The following LIX1 variants were observed in gnomAD, a reference collection of about 807,000 sequenced individuals.
LIX1 encodes the protein protein limb expression 1 homolog.
Under a neutral mutation model 33.4 loss-of-function variants are expected in LIX1, and 24 were observed. The observed-to-expected ratio is 0.72, with a 90% CI of 0.52 to 1.01. The LOEUF (loss-of-function observed/expected upper bound fraction) is 1.01. LIX1 is among the 50% of genes least tolerant of loss of function. The pLI is 0.00. For synonymous variants in LIX1, 124 were observed against 124.0 expected (o/e 1.00, Z 0.00); for missense variants, 311 against 339.2 (o/e 0.92, Z 0.65).
At chr5:97,134,903 A>G (rs1028066911) in intron 1 of LIX1, among the ~76,000 whole-genome samples, 1 of 152,226 alleles carries the variant, frequency 6.6e-6, no homozygotes, top group African/African-American at 2.4e-5. Context: ...AGCACACAGC[A>G]GGACTGAGAC....
At chr5:97,137,927 T>G (rs1748205712) in intron 1 of LIX1, among the ~76,000 whole-genome samples, 1 of 152,360 alleles carries the variant, frequency 6.6e-6, no homozygotes, top group East Asian at 1.9e-4. Flanking sequence ...TGAGGATTCT[T>G]GCTCTCTCAT....
chr5:97,134,576 C>T (rs1447944464), intron 1 of LIX1, among the ~76,000 whole-genome samples: 2 of 152,156 alleles, frequency 1.3e-5, no homozygotes, highest in Non-Finnish European at 2.9e-5. Flanking sequence ...CTTGTTTTTA[C>T]CAATGTTATT....
intron 5 of LIX1, among the ~76,000 whole-genome samples, chr5:97,095,449 G>C (rs1270641404): frequency 1.3e-5 from 2 of 152,198 alleles, no homozygotes; most frequent in Non-Finnish European, 1.5e-5. Flanking sequence ...GAGGGTCTTG[G>C]GCAGAATGGG....
intron 1 of LIX1, among the ~76,000 whole-genome samples, chr5:97,141,276 C>T (rs1186208779): frequency 6.6e-6 from 1 of 152,108 alleles, no homozygotes; most frequent in Non-Finnish European, 1.5e-5. Context: ...TCTTTCCTCC[C>T]CTTTTCGCTT....
At chr5:97,103,097 C>G (rs1262428242) in intron 4 of LIX1, 1 of 449,720 alleles carries the variant, frequency 2.2e-6, no homozygotes, top group Non-Finnish European at 4.4e-6. Flanking sequence ...ACACATAGGT[C>G]TGTATGACTT....
At chr5:97,136,790 G>C (rs1748181794) in intron 1 of LIX1, among the ~76,000 whole-genome samples, 1 of 150,842 alleles carries the variant, frequency 6.6e-6, no homozygotes, top group South Asian at 2.1e-4. Context: ...GGACACTAGA[G>C]AAAAAAATAT....
Position 97,107,496 on chromosome 5 carries a change from C to G in LIX1, c.251G>C (p.Cys84Ser). 1 of 1,614,028 alleles carries G rather than the reference C, an allele frequency of 6.2e-7. No individual in the cohort carries two copies. Among genetic ancestry groups the G allele is most frequent in the Non-Finnish European group, 8.5e-7 (1 of 1,179,982 alleles). Residue 84 changes from cysteine (C) to serine (S), a missense_variant, in exon 3 of 6, where the codon TGC becomes TCC. By Grantham distance (112) the Cys-to-Ser change is moderately radical. Transcript: ENST00000274382. ...CCGCCTGGCCTCGGCTCTACTTAAG[C>G]AGCACTTGAGAAGGGAGGGAGAAAA... Reference protein sequence around the residue: ...GGSCFGNFQCCLSRAEARRDA... With the variant: ...GGSCFGNFQCSLSRAEARRDA...
At chr5:97,135,561 G>A (rs1369274952) in intron 1 of LIX1, among the ~76,000 whole-genome samples, 1 of 152,168 alleles carries the variant, frequency 6.6e-6, no homozygotes, top group African/African-American at 2.4e-5. Flanking sequence ...GCTCACGTCT[G>A]TAATCCCAGC....
chr5:97,100,577 A>C (rs1746642190), intron 4 of LIX1, among the ~76,000 whole-genome samples: 1 of 152,092 alleles, frequency 6.6e-6, no homozygotes, highest in Admixed American at 6.6e-5. Context: ...CACTCTCTTC[A>C]CATTTTCCCA....
At chr5:97,124,362 G>T in intron 2 of LIX1, 104 bp downstream of exon 2, 1 of 998,278 alleles carries the variant, frequency 1.0e-6, no homozygotes, top group Non-Finnish European at 1.4e-6. Context: ...GTACAACTTT[G>T]TTCACTATTT....
chr5:97,107,203 A>C (rs1353260704), intron 3 of LIX1, among the ~76,000 whole-genome samples, 157 bp downstream of exon 3: 1 of 152,224 alleles, frequency 6.6e-6, no homozygotes, highest in Non-Finnish European at 1.5e-5. Flanking sequence ...TTTCCAATTT[A>C]AGTATTCTGT....
chr5:97,120,430 T>C (rs1747748642), intron 2 of LIX1, among the ~76,000 whole-genome samples: 1 of 152,166 alleles, frequency 6.6e-6, no homozygotes. Context: ...GGAAAGAACA[T>C]GCACATAGAC....
intron 2 of LIX1, among the ~76,000 whole-genome samples, chr5:97,121,464 C>T: frequency 6.6e-6 from 1 of 152,162 alleles, no homozygotes; most frequent in East Asian, 1.9e-4. Flanking sequence ...TCTTCCATCT[C>T]TGTCTTTTTG....
chr5:97,107,029 T>G (rs1358752312), intron 3 of LIX1, among the ~76,000 whole-genome samples: 1 of 152,308 alleles, frequency 6.6e-6, no homozygotes, highest in South Asian at 2.1e-4. Flanking sequence ...TAAAGCAGTA[T>G]TCCACTGTAT....
At chr5:97,122,987 T>C (rs142395666) in intron 2 of LIX1, among the ~76,000 whole-genome samples, 2 of 152,378 alleles carry the variant, frequency 1.3e-5, no homozygotes, top group Non-Finnish European at 2.9e-5. Flanking sequence ...ATTGGACATC[T>C]GTCCTGTGGC....
intron 2 of LIX1, among the ~76,000 whole-genome samples, chr5:97,117,716 C>A (rs570622036): frequency 1.3e-5 from 2 of 152,104 alleles, no homozygotes; most frequent in African/African-American, 2.4e-5. Flanking sequence ...GCTGTATGCT[C>A]CTTGGAAAAA....
At chr5:97,100,614 AG>A (rs1170363568) in intron 4 of LIX1, among the ~76,000 whole-genome samples, 6 of 152,166 alleles carry the variant, frequency 3.9e-5, no homozygotes, top group Non-Finnish European at 7.4e-5. Flanking sequence ...GCTCAACTCC[AG>A]GAAATCTTTG....
chr5:97,099,730 G>A (rs549415359), intron 4 of LIX1, among the ~76,000 whole-genome samples: 5 of 152,156 alleles, frequency 3.3e-5, no homozygotes, highest in South Asian at 2.1e-4. Flanking sequence ...CCAGCTACTC[G>A]GGAGGCTGAG....
At chr5:97,110,356 G>A (rs770577329) in intron 2 of LIX1, among the ~76,000 whole-genome samples, 1 of 152,170 alleles carries the variant, frequency 6.6e-6, no homozygotes, top group Non-Finnish European at 1.5e-5. Context: ...CATTTGCCAG[G>A]AGACTAACAA....
Sources: allele counts gnomAD v4.1 joint callset (sites outside exome capture counted in the v4.1 genomes callset), GRCh38; gene constraint gnomAD v4.1.1; transcripts MANE v1.5; gene names NCBI Gene and HGNC (gene_info 2026-07-23, HGNC 2026-07-21).